MYH15: variants seen among roughly 807,000 people sequenced by gnomAD.
MYH15 encodes the protein myosin-15.
Under a neutral mutation model 240.5 loss-of-function variants are expected in MYH15, and 227 were observed. The ratio of observed to expected loss-of-function variants is 0.94; its 90% CI spans 0.85 to 1.05. The LOEUF is 1.05. MYH15 is among the 50% of genes least tolerant of loss of function. MYH15 has a pLI of 0.00. For missense variants in MYH15, 2,217 were observed against 2,247.5 expected (o/e 0.99, Z 0.27); for synonymous variants, 785 against 796.7 (o/e 0.99, Z 0.25).
At chr3:108,394,486 T>C (rs1458372908) in intron 35 of MYH15, among the ~76,000 whole-genome samples, 1 of 152,196 alleles carries the variant, frequency 6.6e-6, no homozygotes, top group African/African-American at 2.4e-5. Context: ...CTTTTGGATG[T>C]GGTAGAAACA....
chr3:108,512,981 G>A (rs2083532625), upstream of MYH15, among the ~76,000 whole-genome samples: 1 of 152,104 alleles, frequency 6.6e-6, no homozygotes, highest in Non-Finnish European at 1.5e-5. Context: ...GCCCCATCCA[G>A]CTTCCATTAA....
intron 11 of MYH15, among the ~76,000 whole-genome samples, chr3:108,479,625 A>T (rs1223614695): frequency 1.3e-5 from 2 of 152,196 alleles, no homozygotes; most frequent in African/African-American, 4.8e-5. Context: ...GGATTTTAAA[A>T]GTTCCCCAGC....
rs566989262 is a variant in MYH15, at chr3:108,495,630, A to C, written c.711+150T>G. 10 of 488,824 alleles carry C rather than the reference A, an allele frequency of 2.0e-5. No homozygotes were observed. The Admixed American group carries it at 3.1e-4, about 15-fold the overall frequency. The allele number at this position is 488,824 out of a possible 1,614,324, so 30.3% of individuals were successfully genotyped here. ...TAATTGTCTTAATGATATAGATAGT[A>C]ATTTTTTTTGAGAAATCTAACATTA... On this transcript the variant is annotated intron_variant, in intron 7 of 40. Transcript: ENST00000693548.
the MYH15 span, among the ~76,000 whole-genome samples, chr3:108,544,253 C>T: frequency 6.3e-3 from 955 of 152,232 alleles, 15 homozygotes; most frequent in African/African-American, 0.022. Flanking sequence ...TCTGGCCCCC[C>T]ACTTTCCTAA....
At chr3:108,506,263 T>C (rs368776495) in intron 1 of MYH15, among the ~76,000 whole-genome samples, 5 of 152,130 alleles carry the variant, frequency 3.3e-5, no homozygotes, top group African/African-American at 9.7e-5. Context: ...CTTCAGGGTT[T>C]CTTTAGACCT....
rs930450048 is a variant in MYH15, at chr3:108,493,494, G to A, written c.712-317C>T. Reference sequence around the variant, plus strand: ...TGTGGGCATTGTGAAATCTCTCTGGGCCTCACTGTTCTTATCTAAAGATGA... The same window carrying A: ...TGTGGGCATTGTGAAATCTCTCTGGACCTCACTGTTCTTATCTAAAGATGA... On this transcript the variant is annotated intron_variant, in intron 7 of 40. Coordinates refer to ENST00000693548, the MANE Select transcript of MYH15 (RefSeq NM_014981.3). Among the ~76,000 whole-genome samples, 4 of 152,136 alleles carry A rather than the reference G, an allele frequency of 2.6e-5. No individual in the cohort carries two copies. The East Asian group carries it at 7.7e-4, about 29-fold the overall frequency.
rs149020906 is a variant in MYH15, at chr3:108,414,342, G to C, written c.4035C>G (p.Val1345=). The C allele has an allele frequency of 6.2e-7, 1 of 1,614,134 alleles. No individual in the cohort carries two copies. The highest frequency in any genetic ancestry group is 8.5e-7 in the Non-Finnish European group (1 of 1,180,010). The change falls in exon 30 of 41, where the codon GTC becomes GTG. Residue 1345 remains valine, a synonymous_variant. Transcript: ENST00000693548. ...LREQYEEEQE[V]KAELHRTLSK... The stretch of plus-strand genomic sequence containing the variant: ...ATAAGGTCCGGTGCAGCTCAGCCTT[G>C]ACCTCTTGTTCTTCCTCATACTGCT...
chr3:108,501,934 T>A (rs973396515), intron 2 of MYH15, 79 bp from the exon 3 acceptor site: 2 of 1,486,070 alleles, frequency 1.3e-6, no homozygotes, highest in Non-Finnish European at 9.3e-7. Flanking sequence ...AGAAAGAATA[T>A]TCAGACTCAA....
At position 108,383,711 on chromosome 3, in the gene MYH15, A is replaced by AT; in HGVS notation, c.5649dup (p.Tyr1884IlefsTer6). The AT allele has an allele frequency of 6.4e-7, 1 of 1,558,310 alleles. No individual in the cohort carries two copies. Among genetic ancestry groups the AT allele is most frequent in the Middle Eastern group, 1.8e-4 (1 of 5,616 alleles). ...TGCTGTTTCTTATACTTGGAAAGGTATTGATTGGCTTGTGTTTCCTATAAA... is the reference window on the plus strand; with the variant it reads ...TGCTGTTTCTTATACTTGGAAAGGTATTTGATTGGCTTGTGTTTCCTATAAA... On this transcript the variant is annotated frameshift_variant, in exon 40 of 41. Transcript: ENST00000693548. LOFTEE classifies it high-confidence loss of function.
intron 28 of MYH15, among the ~76,000 whole-genome samples, chr3:108,417,218 G>T (rs972776709): frequency 6.6e-6 from 1 of 152,090 alleles, no homozygotes; most frequent in East Asian, 1.9e-4. Context: ...GGTACTTAAC[G>T]TATGTTATCT....
At chr3:108,501,956 G>T (rs2083442053) in intron 2 of MYH15, 101 bp from the exon 3 acceptor site, 1 of 1,302,634 alleles carries the variant, frequency 7.7e-7, no homozygotes, top group South Asian at 1.3e-5. Context: ...AAGAAAAAAT[G>T]ATGCCTCATT....
chr3:108,397,484 T>C (rs4855561), intron 35 of MYH15, among the ~76,000 whole-genome samples: 108,665 of 152,060 alleles, frequency 0.71, 39,233 homozygotes, highest in Middle Eastern at 0.78. Context: ...TCATTATACT[T>C]TTAGCAGTGT....
chr3:108,530,578 T>G (rs1345924018), upstream of MYH15, among the ~76,000 whole-genome samples: 2 of 152,210 alleles, frequency 1.3e-5, no homozygotes, highest in Admixed American at 1.3e-4. Context: ...TTATGGACTT[T>G]GAGTAATAAT....
intron 1 of MYH15, among the ~76,000 whole-genome samples, chr3:108,524,207 A>T (rs1359618508): frequency 6.6e-6 from 1 of 152,024 alleles, no homozygotes; most frequent in African/African-American, 2.4e-5. Context: ...TACTGACAGT[A>T]ATAGGCCTTT....
chr3:108,399,909 C>T (rs1287254977), intron 33 of MYH15, among the ~76,000 whole-genome samples: 8 of 152,178 alleles, frequency 5.3e-5, no homozygotes, highest in Non-Finnish European at 1.0e-4. Flanking sequence ...GAACTAAAAA[C>T]GTATTTGCAA....
chr3:108,490,218 A>G lies in MYH15; in HGVS notation c.871+2282T>C, dbSNP rs145311753. 7.2e-5 allele frequency among the ~76,000 whole-genome samples: 11 copies of G among 152,354 alleles called. No homozygotes were observed. The East Asian group carries it at 1.7e-3, about 24-fold the overall frequency. ...AATACGTGCTGCTTACATGACACCA[A>G]TTACATCTATGGCAAAAATAATTGT... On this transcript the variant is annotated intron_variant, in intron 9 of 40. Transcript: ENST00000693548.
intron 9 of MYH15, among the ~76,000 whole-genome samples, chr3:108,490,460 C>A (rs2083337845): frequency 6.6e-6 from 1 of 152,204 alleles, no homozygotes; most frequent in South Asian, 2.1e-4. Flanking sequence ...CCTCGGAAAT[C>A]AAATCAGCGT....
At chr3:108,395,828 T>A (rs2082456415) in intron 35 of MYH15, among the ~76,000 whole-genome samples, 1 of 152,084 alleles carries the variant, frequency 6.6e-6, no homozygotes, top group Non-Finnish European at 1.5e-5. Flanking sequence ...GTTCAGTATG[T>A]TTTGCTTGAT....
At position 108,499,449 on chromosome 3, in the gene MYH15, A is replaced by C. The variant is rs758638147; in HGVS notation, c.524+6T>G. Reference sequence around the variant, plus strand: ...GCCAAAAAAGAAAAACAAGGCAAACACTTACGTGAAGAGTATAGACTGATT... The same window carrying C: ...GCCAAAAAAGAAAAACAAGGCAAACCCTTACGTGAAGAGTATAGACTGATT... On this transcript the variant is annotated splice_donor_region_variant and intron_variant, in intron 5 of 40. Transcript: ENST00000693548. 1.3e-5 allele frequency: 21 copies of C among 1,612,930 alleles called. No individual in the cohort carries two copies. The East Asian group carries it at 3.3e-4, about 26-fold the overall frequency.
Sources: gnomAD v4.1 joint callset for allele counts (sites outside exome capture counted in the v4.1 genomes callset) on GRCh38, gnomAD v4.1.1 for gene constraint, MANE v1.5 for transcripts, NCBI Gene and HGNC (gene_info 2026-07-23, HGNC 2026-07-21) for gene names.